DLGAP1: variants seen among roughly 807,000 people sequenced by gnomAD.
DLGAP1 encodes the protein disks large-associated protein 1.
In DLGAP1, 11 loss-of-function variants were observed where a neutral mutation model predicts 90.8. The observed-to-expected ratio is 0.12, with a 90% CI of 0.08 to 0.20. The LOEUF is 0.20. DLGAP1 is among the 10% of genes least tolerant of loss of function. The pLI is 1.00. For missense variants in DLGAP1, 1,050 were observed against 1,333.8 expected (o/e 0.79, Z 3.31); for synonymous variants, 558 against 540.7 (o/e 1.03, Z -0.44).
chr18:3,896,084 G>A (rs1279061868), intron 3 of DLGAP1: 1 of 152,210 alleles, frequency 6.6e-6, no homozygotes, highest in Non-Finnish European at 1.5e-5. Context: ...CTTATTACAT[G>A]TATGTGCTGA....
chr18:3,685,494 G>A (rs2146947265), intron 7 of DLGAP1, among the ~76,000 whole-genome samples: 1 of 144,066 alleles, frequency 6.9e-6, no homozygotes, highest in South Asian at 2.2e-4. Flanking sequence ...AACCCGGGAG[G>A]CAGAACTTGC....
Position 3,567,481 on chromosome 18 carries a change from T to A in DLGAP1, c.2057+9A>T, listed in dbSNP as rs757947776. On this transcript the variant is annotated intron_variant, in intron 9 of 12. Coordinates refer to ENST00000315677, the MANE Select transcript of DLGAP1 (RefSeq NM_004746.4). ...CAAGACAAAAGAGGATGCGTGCATG[T>A]GGACTTACCACTTCTCTTCTTCTAC... The A allele has an allele frequency of 4.3e-6, 7 of 1,611,416 alleles. No homozygotes were observed. The South Asian group carries it at 6.6e-5, about 15-fold the overall frequency.
At chr18:3,849,078 T>C (rs1172173205) in intron 4 of DLGAP1, among the ~76,000 whole-genome samples, 1 of 152,216 alleles carries the variant, frequency 6.6e-6, no homozygotes, top group East Asian at 1.9e-4. Context: ...TTGCAAACGC[T>C]CTTCCCTCTA....
intron 2 of DLGAP1, among the ~76,000 whole-genome samples, chr18:4,011,308 G>A: frequency 6.6e-6 from 1 of 152,072 alleles, no homozygotes; most frequent in East Asian, 1.9e-4. Flanking sequence ...GAGAGAAAAG[G>A]CTCAAGGGGG....
intron 9 of DLGAP1, among the ~76,000 whole-genome samples, chr18:3,547,471 A>G (rs971584980): frequency 1.3e-5 from 2 of 151,996 alleles, no homozygotes; most frequent in African/African-American, 2.4e-5. Flanking sequence ...ATGACAAGAC[A>G]TTTCTCCAAA....
intron 2 of DLGAP1, among the ~76,000 whole-genome samples, chr18:4,136,309 A>G (rs1046085138): frequency 6.6e-6 from 1 of 152,090 alleles, no homozygotes; most frequent in South Asian, 2.1e-4. Flanking sequence ...CAGTTTTTTG[A>G]AGAACCTCCA....
intron 2 of DLGAP1, among the ~76,000 whole-genome samples, chr18:4,088,286 G>A (rs1321642904): frequency 6.6e-6 from 1 of 152,022 alleles, no homozygotes; most frequent in East Asian, 1.9e-4. Flanking sequence ...CTTTTGTGCT[G>A]CTGTTGTCAA....
At chr18:4,262,792 T>C (rs1174967018) in intron 1 of DLGAP1, among the ~76,000 whole-genome samples, 1 of 152,154 alleles carries the variant, frequency 6.6e-6, no homozygotes, top group Non-Finnish European at 1.5e-5. Flanking sequence ...TCTGTTTCCA[T>C]ATCTGTAAAA....
At chr18:3,768,252 G>A (rs544734308) in intron 5 of DLGAP1, among the ~76,000 whole-genome samples, 2 of 152,016 alleles carry the variant, frequency 1.3e-5, no homozygotes, top group South Asian at 2.1e-4. Flanking sequence ...AAATATGTTC[G>A]GATCTGGTGA....
At chr18:3,885,678 T>G (rs1213553958) in intron 3 of DLGAP1, among the ~76,000 whole-genome samples, 1 of 152,250 alleles carries the variant, frequency 6.6e-6, no homozygotes, top group African/African-American at 2.4e-5. Flanking sequence ...CTCTAATTTC[T>G]TCTTGTTCGC....
At chr18:4,196,566 T>G (rs2077501324) in intron 1 of DLGAP1, among the ~76,000 whole-genome samples, 1 of 152,222 alleles carries the variant, frequency 6.6e-6, no homozygotes, top group African/African-American at 2.4e-5. Context: ...CAGAAAGATT[T>G]ATTACTCTGT....
At chr18:3,984,356 C>T (rs1239931732) in intron 3 of DLGAP1, 2 of 152,256 alleles carry the variant, frequency 1.3e-5, no homozygotes, top group African/African-American at 2.4e-5. Context: ...GAGGTCATAT[C>T]ACCTCAATTA....
At chr18:4,322,844 C>G (rs1031281120) in intron 1 of DLGAP1, among the ~76,000 whole-genome samples, 1 of 150,764 alleles carries the variant, frequency 6.6e-6, no homozygotes, top group Non-Finnish European at 1.5e-5. Context: ...GCCTGTAGTC[C>G]CAGTTACTCA....
intron 4 of DLGAP1, among the ~76,000 whole-genome samples, chr18:3,858,479 T>TAC (rs2069795168): frequency 8.7e-6 from 1 of 115,592 alleles, no homozygotes; most frequent in South Asian, 2.6e-4. Context: ...AAGGGAAACA[T>TAC]ATATATATAT....
chr18:4,295,488 T>C (rs918368097), intron 1 of DLGAP1: 1 of 152,188 alleles, frequency 6.6e-6, no homozygotes, highest in Non-Finnish European at 1.5e-5. Flanking sequence ...TAAAAAAAGA[T>C]TGTTGAGATA....
chr18:4,307,811 G>A (rs1196039301), intron 1 of DLGAP1, among the ~76,000 whole-genome samples: 2 of 149,856 alleles, frequency 1.3e-5, no homozygotes, highest in African/African-American at 4.9e-5. Context: ...CATCTCCTGG[G>A]TTCAAGCTAT....
At chr18:4,296,524 G>C (rs2079986047) in intron 1 of DLGAP1, among the ~76,000 whole-genome samples, 1 of 152,176 alleles carries the variant, frequency 6.6e-6, no homozygotes, top group South Asian at 2.1e-4. Flanking sequence ...CTGTAATTCA[G>C]TTAGTTCATC....
At chr18:3,923,747 C>T (rs951264487) in intron 3 of DLGAP1, among the ~76,000 whole-genome samples, 21 of 152,320 alleles carry the variant, frequency 1.4e-4, no homozygotes, top group Admixed American at 3.3e-4. Flanking sequence ...ACCAAAGTCC[C>T]TTACATTCCT....
At chr18:4,020,842 C>T (rs1165809512) in intron 2 of DLGAP1, among the ~76,000 whole-genome samples, 2 of 152,100 alleles carry the variant, frequency 1.3e-5, no homozygotes, top group Non-Finnish European at 2.9e-5. Context: ...TCTGAACCTC[C>T]CCAGATTGCT....
Sources: gnomAD v4.1 joint callset for allele counts (sites outside exome capture counted in the v4.1 genomes callset) on GRCh38, gnomAD v4.1.1 for gene constraint, MANE v1.5 for transcripts, NCBI Gene and HGNC (gene_info 2026-07-23, HGNC 2026-07-21) for gene names.